Variants in RABGGTB observed in about 807,000 individuals in gnomAD.
RABGGTB encodes the protein Rab geranylgeranyltransferase subunit beta.
A neutral mutation model predicts 44.5 loss-of-function variants in RABGGTB; 20 were observed. That is an observed-to-expected ratio of 0.45 (90% CI 0.32 to 0.65). The LOEUF (loss-of-function observed/expected upper bound fraction) is 0.65, where lower values mean the gene tolerates loss of function less well. RABGGTB is among the 30% of genes least tolerant of loss of function. The pLI, the probability that RABGGTB is intolerant of heterozygous loss-of-function variation, is 0.05. For missense variants in RABGGTB, 302 were observed against 398.7 expected, an observed-to-expected ratio of 0.76 and a Z score of 2.06; for synonymous variants, 128 against 136.7, an observed-to-expected ratio of 0.94 and a Z score of 0.44.
intron 4 of RABGGTB, 150 bp downstream of exon 4, chr1:75,790,207 T>G (rs1044768047): frequency 1.5e-5 from 22 of 1,454,976 alleles, no homozygotes; most frequent in Non-Finnish European, 1.9e-5. Context: ...ACTTCCAGCA[T>G]GCACTGTGGT....
intron 3 of RABGGTB, 157 bp from the exon 4 acceptor site, chr1:75,789,791 ACTAT>A (rs1406353288): frequency 1.7e-6 from 1 of 604,706 alleles, no homozygotes; most frequent in East Asian, 2.8e-5. Context: ...TTTTCTTGAT[ACTAT>A]CTAATTTTAT....
chr1:75,787,729 G>C, intron 2 of RABGGTB, 125 bp downstream of exon 2: 1 of 770,790 alleles, frequency 1.3e-6, no homozygotes, highest in South Asian at 1.6e-5. Context: ...GATGTGCTGT[G>C]CCTTTGAACT....
chr1:75,792,079 A>T (rs1649658985), intron 6 of RABGGTB, 102 bp from the exon 7 acceptor site: 1 of 1,059,540 alleles, frequency 9.4e-7, no homozygotes, highest in South Asian at 1.6e-5. Context: ...CAGATCAAGA[A>T]GAAAAACTTA....
Position 75,789,160 on chromosome 1 carries a change from A to T in RABGGTB, c.113A>T (p.Glu38Val). 1 of 1,612,916 alleles carries T rather than the reference A, an allele frequency of 6.2e-7. No homozygotes were observed. ...TTAAGAAATTGTGTATTATTTTAGG[A>T]ATACTGTATGTCTGAGTATTTGAGA... ...ASYGSKKDDY[E>V]YCMSEYLRMS... is the part of the protein sequence containing the mutation. Residue 38 changes from glutamate to valine, a missense_variant and splice_region_variant, in exon 3 of 9, where the codon GAA becomes GTA. Glu to Val is a moderately radical substitution (Grantham distance 121, BLOSUM62 -2). This residue lies in a region of RABGGTB where 89 missense variants were observed against 75.0 expected (regional missense o/e 1.19). Transcript: ENST00000319942.
intron 3 of RABGGTB, 68 bp from the exon 4 acceptor site, chr1:75,789,884 G>C: frequency 8.5e-7 from 1 of 1,178,516 alleles, no homozygotes. Flanking sequence ...AACTTAAAAA[G>C]AGTTGAGCAT....
Position 75,789,663 on chromosome 1 carries a change from T to C in RABGGTB, c.310-289T>C, listed in dbSNP as rs989732495. The C allele has an allele frequency of 3.0e-5, 18 of 595,348 alleles. 1 individual carries two copies. In the South Asian group the frequency reaches 3.5e-4, roughly 11 times the overall value. 36.9% of individuals were successfully genotyped at this position (595,348 alleles called of 1,614,324 possible). ...TGGTGGTTTAAAGTCTTTCTGGTACTACTGGGTGCTGAGATGGGAAGATCA... is the reference window on the plus strand; with the variant it reads ...TGGTGGTTTAAAGTCTTTCTGGTACCACTGGGTGCTGAGATGGGAAGATCA... On this transcript the variant is annotated intron_variant, in intron 3 of 8. Transcript: ENST00000319942.
chr1:75,791,813 CTT>C (rs1251322400), intron 6 of RABGGTB: 4 of 447,322 alleles, frequency 8.9e-6, no homozygotes, highest in South Asian at 4.1e-5. Context: ...CACCAAAACA[CTT>C]TTGTTTTCCA....
chr1:75,786,332 G>C, intron 1 of RABGGTB, 58 bp downstream of exon 1: 1 of 1,601,534 alleles, frequency 6.2e-7, no homozygotes, highest in Non-Finnish European at 8.6e-7. Context: ...GGGTGGAGTA[G>C]GGTTAAGCAC....
At chr1:75,786,222 T>A (rs1387524368), upstream of RABGGTB, 11 of 1,613,204 alleles carry the variant, frequency 6.8e-6, no homozygotes, top group East Asian at 2.2e-5. Flanking sequence ...GGCGCCCGGC[T>A]CCTAAGTCTA....
intron 1 of RABGGTB, chr1:75,786,676 G>C: frequency 3.9e-6 from 1 of 258,012 alleles, no homozygotes; most frequent in South Asian, 4.5e-5. Flanking sequence ...AATCACTTCC[G>C]GTAATCTTCA....
intron 2 of RABGGTB, chr1:75,788,723 A>G (rs1284100307): frequency 6.2e-6 from 1 of 162,362 alleles, no homozygotes; most frequent in Non-Finnish European, 1.4e-5. Context: ...TGTTTAGGGC[A>G]TTTTGATTTT....
chr1:75,786,205 C>T (rs1649466992), upstream of RABGGTB: 3 of 1,602,344 alleles, frequency 1.9e-6, no homozygotes, highest in South Asian at 2.2e-5. Context: ...AGAGGCGCAT[C>T]TGCGCAGGCG....
chr1:75,790,484 A>G, intron 4 of RABGGTB: 2 of 1,034,950 alleles, frequency 1.9e-6, no homozygotes, highest in Non-Finnish European at 2.3e-6. Flanking sequence ...CAGCTGCTTC[A>G]TGGGATGTGA....
chr1:75,786,732 A>G (rs1487213969), intron 1 of RABGGTB: 1 of 279,188 alleles, frequency 3.6e-6, no homozygotes, highest in Non-Finnish European at 7.0e-6. Flanking sequence ...AGGAAGATAT[A>G]GATACGAAAA....
chr1:75,786,994 A>G, intron 1 of RABGGTB: 1 of 469,000 alleles, frequency 2.1e-6, no homozygotes, highest in Non-Finnish European at 4.3e-6. Context: ...ATAAGCTTTG[A>G]TATTCTATGG....
intron 1 of RABGGTB, 165 bp from the exon 2 acceptor site, chr1:75,787,332 A>G: frequency 3.2e-6 from 2 of 633,270 alleles, no homozygotes; most frequent in Non-Finnish European, 5.6e-6. Flanking sequence ...GGCTCAAGCG[A>G]TCTTCTACCT....
chr1:75,794,679 A>G lies in RABGGTB; in HGVS notation c.*29A>G, dbSNP rs1314843909. 1.3e-6 allele frequency: 2 copies of G among 1,509,594 alleles called. No individual in the cohort carries two copies. Among genetic ancestry groups the G allele is most frequent in the Non-Finnish European group, 1.8e-6 (2 of 1,122,068 alleles). The allele number at this position is 1,509,594 out of a possible 1,614,324, so 93.5% of individuals were successfully genotyped here. A position where few individuals can be genotyped will look rare whatever the true frequency, so the allele number is the denominator to read the frequency against. On this transcript the variant is annotated 3_prime_UTR_variant, in exon 9 of 9. Coordinates refer to ENST00000319942, the MANE Select transcript of RABGGTB (RefSeq NM_004582.4). The stretch of plus-strand genomic sequence containing the variant: ...CATTGAATTGAAAGTTGCATAGTAT[A>G]GTTTTGCCATTTTAACATTTCTGTA...
chr1:75,789,113 G>A, intron 2 of RABGGTB, 46 bp from the exon 3 acceptor site: 4 of 1,550,672 alleles, frequency 2.6e-6, no homozygotes, highest in Non-Finnish European at 3.6e-6. Context: ...TTTATAACTT[G>A]TTACCAGTTC....
chr1:75,792,861 C>T (rs955737977), intron 7 of RABGGTB, among the ~76,000 whole-genome samples: 1 of 152,200 alleles, frequency 6.6e-6, no homozygotes, highest in East Asian at 1.9e-4. Context: ...TGGAATCTTG[C>T]TCTGTTGCCC....
Sources: allele counts gnomAD v4.1 joint callset (sites outside exome capture counted in the v4.1 genomes callset), GRCh38; gene constraint gnomAD v4.1.1; regional missense constraint gnomAD v4.1.1; transcripts MANE v1.5; gene names NCBI Gene and HGNC (gene_info 2026-07-23, HGNC 2026-07-21).